LRMDA: variants seen among roughly 807,000 people sequenced by gnomAD.
LRMDA encodes leucine rich melanocyte differentiation associated, also known as leucine-rich melanocyte differentiation-associated protein.
A neutral mutation model predicts 29.8 loss-of-function variants in LRMDA; 18 were observed. The ratio of observed to expected loss-of-function variants is 0.60; its 90% CI spans 0.42 to 0.90. The LOEUF (loss-of-function observed/expected upper bound fraction) is 0.90. Among genes scored for constraint, LRMDA ranks in the 40% least tolerant of loss-of-function variants. LRMDA has a pLI of 0.00. For missense variants in LRMDA, 273 were observed against 273.9 expected (o/e 1.00, Z 0.02); for synonymous variants, 125 against 109.4 (o/e 1.14, Z -0.89).
intron 2 of LRMDA, among the ~76,000 whole-genome samples, chr10:75,716,309 G>A (rs1842498764): frequency 6.6e-6 from 1 of 152,088 alleles, no homozygotes; most frequent in African/African-American, 2.4e-5. Context: ...TAGGTCCTTG[G>A]CGATATCATG....
intron 6 of LRMDA, among the ~76,000 whole-genome samples, chr10:76,410,399 C>G (rs1021713763): frequency 7.3e-6 from 1 of 137,470 alleles, no homozygotes; most frequent in Non-Finnish European, 1.5e-5. Flanking sequence ...GTATCAACCT[C>G]TTGGTCTCAA....
intron 2 of LRMDA, among the ~76,000 whole-genome samples, chr10:75,685,723 A>C (rs1842073672): frequency 6.6e-6 from 1 of 152,244 alleles, no homozygotes; most frequent in Admixed American, 6.5e-5. Flanking sequence ...ATATATTTGC[A>C]GTGGATCTAT....
intron 2 of LRMDA, among the ~76,000 whole-genome samples, chr10:75,613,267 T>C (rs1417117502): frequency 6.6e-6 from 1 of 152,150 alleles, no homozygotes; most frequent in Non-Finnish European, 1.5e-5. Context: ...AAAAGTTGGA[T>C]TGTTTCTCTG....
At chr10:76,274,521 T>C (rs1450691303) in intron 5 of LRMDA, among the ~76,000 whole-genome samples, 1 of 152,184 alleles carries the variant, frequency 6.6e-6, no homozygotes, top group Non-Finnish European at 1.5e-5. Context: ...AAAAGTCAAG[T>C]AGAACTTGAT....
intron 6 of LRMDA, among the ~76,000 whole-genome samples, chr10:76,342,487 C>T (rs1429797451): frequency 6.6e-6 from 1 of 151,626 alleles, no homozygotes; most frequent in Non-Finnish European, 1.5e-5. Context: ...CAATATCAGC[C>T]TCATAAATCA....
intron 2 of LRMDA, among the ~76,000 whole-genome samples, chr10:75,896,067 A>G (rs147202379): frequency 7.2e-5 from 11 of 152,236 alleles, no homozygotes; most frequent in African/African-American, 2.7e-4. Flanking sequence ...GAGTTCATGT[A>G]TGGAAAGGAG....
At chr10:76,205,402 G>A (rs1170998689) in intron 5 of LRMDA, among the ~76,000 whole-genome samples, 1 of 152,192 alleles carries the variant, frequency 6.6e-6, no homozygotes, top group Non-Finnish European at 1.5e-5. Context: ...GTAATGTGAA[G>A]TAAAGTTTCC....
intron 5 of LRMDA, among the ~76,000 whole-genome samples, chr10:76,306,793 T>C (rs1172741698): frequency 1.3e-5 from 2 of 152,246 alleles, no homozygotes; most frequent in Non-Finnish European, 2.9e-5. Flanking sequence ...GCTACTCTTT[T>C]GTACTGGTCA....
intron 6 of LRMDA, among the ~76,000 whole-genome samples, chr10:76,332,998 G>A (rs751797921): frequency 2.6e-5 from 4 of 152,160 alleles, no homozygotes; most frequent in Admixed American, 6.5e-5. Flanking sequence ...TGCTCTCAAC[G>A]TTTAGAAAAG....
At chr10:76,172,560 G>C (rs1302602611) in intron 5 of LRMDA, among the ~76,000 whole-genome samples, 1 of 152,186 alleles carries the variant, frequency 6.6e-6, no homozygotes, top group African/African-American at 2.4e-5. Context: ...AGGGGTATCT[G>C]AGTGCTTACT....
chr10:75,794,328 T>G (rs143559860), intron 2 of LRMDA, among the ~76,000 whole-genome samples: 1 of 152,368 alleles, frequency 6.6e-6, no homozygotes, highest in East Asian at 1.9e-4. Context: ...AATATAGAAT[T>G]CATTTTCTTG....
intron 6 of LRMDA, among the ~76,000 whole-genome samples, chr10:76,416,713 A>G (rs995501241): frequency 1.3e-5 from 2 of 152,220 alleles, no homozygotes; most frequent in African/African-American, 4.8e-5. Context: ...AATAGAGATC[A>G]AGTAGTCGTA....
At chr10:75,595,719 T>TA (rs1440552579) in intron 2 of LRMDA, among the ~76,000 whole-genome samples, 2 of 151,686 alleles carry the variant, frequency 1.3e-5, no homozygotes, top group Non-Finnish European at 2.9e-5. Flanking sequence ...AATATATATA[T>TA]TTTTAACACA....
At chr10:76,169,723 C>CTAAA (rs1850801556) in intron 5 of LRMDA, among the ~76,000 whole-genome samples, 2 of 152,148 alleles carry the variant, frequency 1.3e-5, no homozygotes, top group African/African-American at 4.8e-5. Context: ...CTACCAAGTT[C>CTAAA]AGTGTTTTCA....
At chr10:75,556,313 G>T (rs1840212804) in intron 2 of LRMDA, among the ~76,000 whole-genome samples, 1 of 152,164 alleles carries the variant, frequency 6.6e-6, no homozygotes, top group African/African-American at 2.4e-5. Context: ...TTACCTTAAT[G>T]TCTCATCAGA....
chr10:76,073,316 G>A (rs1201750025), intron 5 of LRMDA, among the ~76,000 whole-genome samples: 1 of 152,076 alleles, frequency 6.6e-6, no homozygotes, highest in African/African-American at 2.4e-5. Flanking sequence ...CTTCCAAACC[G>A]TATCCTTTTC....
intron 2 of LRMDA, among the ~76,000 whole-genome samples, chr10:75,630,977 G>A (rs1045978471): frequency 1.8e-4 from 27 of 152,216 alleles, no homozygotes; most frequent in African/African-American, 5.8e-4. Context: ...TTCCCTCCTC[G>A]TCCCTCATGT....
intron 5 of LRMDA, among the ~76,000 whole-genome samples, chr10:76,103,786 C>T (rs929292810): frequency 2.0e-5 from 3 of 152,204 alleles, no homozygotes; most frequent in Non-Finnish European, 4.4e-5. Flanking sequence ...CATAGTGGCT[C>T]ACGCCTGTAA....
rs3066426 is a variant in LRMDA, at chr10:76,276,006, AATCTATCTATCT to A, written c.517-48358_517-48347del. On this transcript the variant is annotated intron_variant, in intron 5 of 6. Coordinates refer to ENST00000611255, the MANE Select transcript of LRMDA (RefSeq NM_001305581.2). ...ATTCTGTTATTGAGACAATCTAGTG[AATCTATCTATCT>A]ATCTATCTATCTATCTATCTATCTA... 5.4e-3 allele frequency among the ~76,000 whole-genome samples: 788 copies of A among 146,824 alleles called. 6 individuals are homozygous for A. The highest frequency in any genetic ancestry group is 0.029 in the Middle Eastern group (8 of 280).
Sources: allele counts gnomAD v4.1 joint callset (sites outside exome capture counted in the v4.1 genomes callset), GRCh38; gene constraint gnomAD v4.1.1; transcripts MANE v1.5; gene names NCBI Gene and HGNC (gene_info 2026-07-23, HGNC 2026-07-21).